Variants in DAB1 observed in about 807,000 individuals in gnomAD.
DAB1 encodes disabled homolog 1.
DAB1 carries 15 observed loss-of-function variants against 64.6 expected under a neutral mutation model. That is an observed-to-expected ratio of 0.23 (90% CI 0.16 to 0.36). DAB1 has a LOEUF of 0.36. DAB1 is among the 10% of genes least tolerant of loss of function. The pLI is 1.00. For missense variants in DAB1, 596 were observed against 706.7 expected, an observed-to-expected ratio of 0.84 and a Z score of 1.78; for synonymous variants, 235 against 251.9, an observed-to-expected ratio of 0.93 and a Z score of 0.64.
chr1:57,308,778 T>C (rs772674516), intron 1 of DAB1, among the ~76,000 whole-genome samples: 10 of 152,158 alleles, frequency 6.6e-5, no homozygotes, highest in Non-Finnish European at 1.3e-4. Flanking sequence ...ATCTCAGTGC[T>C]CATTTTAAAG....
At chr1:57,892,995 C>G (rs921066470) in intron 5 of DAB1, among the ~76,000 whole-genome samples, 6 of 104,682 alleles carry the variant, frequency 5.7e-5, no homozygotes, top group African/African-American at 7.6e-5. Flanking sequence ...CCCCACCCCC[C>G]ACCCCTAGAG....
At chr1:57,593,360 T>C (rs1645469028) in intron 7 of DAB1, among the ~76,000 whole-genome samples, 1 of 152,236 alleles carries the variant, frequency 6.6e-6, no homozygotes, top group African/African-American at 2.4e-5. Context: ...AGCTGAATAA[T>C]ATTCTACTGT....
chr1:57,255,059 G>T (rs1474887914), intron 2 of DAB1, among the ~76,000 whole-genome samples: 2 of 152,092 alleles, frequency 1.3e-5, no homozygotes, highest in Admixed American at 6.6e-5. Context: ...CTGACAAATA[G>T]TAGGTGCTCA....
At chr1:57,073,288 C>T (rs1402922434) in intron 4 of DAB1, among the ~76,000 whole-genome samples, 1 of 152,178 alleles carries the variant, frequency 6.6e-6, no homozygotes, top group African/African-American at 2.4e-5. Context: ...CTTTCCCACC[C>T]GGTTCTGTCT....
chr1:57,671,428 C>T (rs978064508), intron 6 of DAB1, among the ~76,000 whole-genome samples: 1 of 152,016 alleles, frequency 6.6e-6, no homozygotes, highest in African/African-American at 2.4e-5. Flanking sequence ...ACCAATGAGG[C>T]AGCAGCCTTC....
intron 1 of DAB1, among the ~76,000 whole-genome samples, chr1:57,390,678 G>A (rs1406856467): frequency 6.6e-6 from 1 of 152,176 alleles, no homozygotes; most frequent in East Asian, 1.9e-4. Flanking sequence ...CTTCCTCCAA[G>A]GACAAGACAA....
chr1:57,238,964 AT>A (rs1265547016), intron 2 of DAB1, among the ~76,000 whole-genome samples: 1 of 151,396 alleles, frequency 6.6e-6, no homozygotes, highest in Admixed American at 6.6e-5. Context: ...GCCCAATAAG[AT>A]TTTTTTTCTG....
intron 2 of DAB1, among the ~76,000 whole-genome samples, chr1:57,186,392 C>G (rs1021387501): frequency 6.6e-6 from 1 of 152,174 alleles, no homozygotes; most frequent in Non-Finnish European, 1.5e-5. Flanking sequence ...TCTCACTTCT[C>G]TGGCAGATAA....
intron 7 of DAB1, among the ~76,000 whole-genome samples, chr1:57,502,251 C>T (rs1453536169): frequency 1.5e-5 from 2 of 136,784 alleles, no homozygotes; most frequent in African/African-American, 2.6e-5. Flanking sequence ...ACCTGGGAGG[C>T]GGAGCTTGTA....
intron 2 of DAB1, among the ~76,000 whole-genome samples, chr1:57,250,016 C>T (rs566675710): frequency 6.6e-6 from 1 of 152,202 alleles, no homozygotes; most frequent in South Asian, 2.1e-4. Context: ...TCTTATTTAC[C>T]TTTAAATCCC....
intron 7 of DAB1, among the ~76,000 whole-genome samples, chr1:57,648,739 T>C (rs954104100): frequency 6.6e-5 from 10 of 152,192 alleles, no homozygotes; most frequent in Non-Finnish European, 1.2e-4. Context: ...CATTGTTTAA[T>C]TTTCTATGCT....
intron 2 of DAB1, among the ~76,000 whole-genome samples, chr1:57,183,799 A>C (rs1224725487): frequency 6.6e-6 from 1 of 152,208 alleles, no homozygotes; most frequent in Non-Finnish European, 1.5e-5. Flanking sequence ...GCAGTACTCT[A>C]TATCATATTA....
chr1:57,233,487 G>A (rs113693102), intron 2 of DAB1, among the ~76,000 whole-genome samples: 10,809 of 151,860 alleles, frequency 0.071, 1,283 homozygotes, highest in African/African-American at 0.25. Flanking sequence ...CAGGCCAGGT[G>A]CGGTGGCTCA....
At chr1:57,899,095 T>G (rs1644436588) in intron 5 of DAB1, among the ~76,000 whole-genome samples, 2 of 152,140 alleles carry the variant, frequency 1.3e-5, no homozygotes, top group African/African-American at 4.8e-5. Flanking sequence ...GGTTTTTTCA[T>G]ATGTAGAAAA....
At chr1:58,500,695 ATGAG>A (rs1297132674) in intron 3 of DAB1, among the ~76,000 whole-genome samples, 1 of 152,198 alleles carries the variant, frequency 6.6e-6, no homozygotes, top group Non-Finnish European at 1.5e-5. Context: ...ACCATAAACA[ATGAG>A]TAAGTTCAAA....
intron 9 of DAB1, among the ~76,000 whole-genome samples, chr1:57,054,741 G>A (rs1396175698): frequency 6.6e-6 from 1 of 152,180 alleles, no homozygotes; most frequent in East Asian, 1.9e-4. Context: ...GCCTCCCAAA[G>A]GGCTGGGATT....
chr1:57,929,163 C>T (rs1271437595), intron 5 of DAB1, among the ~76,000 whole-genome samples: 2 of 152,116 alleles, frequency 1.3e-5, no homozygotes, highest in African/African-American at 2.4e-5. Flanking sequence ...CTCATTGTCT[C>T]GATTTGTATT....
chr1:57,266,873 T>C (rs1203261062), intron 2 of DAB1, among the ~76,000 whole-genome samples: 1 of 152,026 alleles, frequency 6.6e-6, no homozygotes, highest in Non-Finnish European at 1.5e-5. Context: ...CCACAACAAT[T>C]CCACAAAATA....
chr1:57,046,881 T>A (rs1273335531), intron 9 of DAB1, among the ~76,000 whole-genome samples: 1 of 152,200 alleles, frequency 6.6e-6, no homozygotes, highest in African/African-American at 2.4e-5. Context: ...CTTCTTGCCT[T>A]CTGTTTGAAA....
Sources: gnomAD v4.1 joint callset for allele counts (sites outside exome capture counted in the v4.1 genomes callset) on GRCh38, gnomAD v4.1.1 for gene constraint, MANE v1.5 for transcripts, NCBI Gene and HGNC (gene_info 2026-07-23, HGNC 2026-07-21) for gene names.